ZNF682: variants seen among roughly 807,000 people sequenced by gnomAD.
The protein encoded by ZNF682 is zinc finger protein 682.
Under a neutral mutation model 36.5 loss-of-function variants are expected in ZNF682, and 29 were observed. The ratio of observed to expected loss-of-function variants is 0.80; its 90% confidence interval spans 0.59 to 1.08. The LOEUF (loss-of-function observed/expected upper bound fraction) is 1.08, where lower values mean the gene tolerates loss of function less well. Ranked by LOEUF, ZNF682 falls within the 50% of genes least tolerant of loss-of-function variation. ZNF682 has a pLI of 0.00. For missense variants in ZNF682, 561 were observed against 579.7 expected (o/e 0.97, Z 0.33); for synonymous variants, 180 against 197.0 (o/e 0.91, Z 0.72).
At chr19:20,019,734 AC>A (rs1384077800) in intron 3 of ZNF682, among the ~76,000 whole-genome samples, 1 of 152,158 alleles carries the variant, frequency 6.6e-6, no homozygotes, top group East Asian at 1.9e-4. Context: ...CCTCAACATC[AC>A]CAGTCATCAG....
downstream of ZNF682, among the ~76,000 whole-genome samples, chr19:20,002,318 CT>C (rs2088173472): frequency 6.8e-6 from 1 of 147,880 alleles, no homozygotes; most frequent in African/African-American, 2.5e-5. Flanking sequence ...TGGTCTTGAT[CT>C]CCTGACCTCA....
intron 3 of ZNF682, among the ~76,000 whole-genome samples, chr19:20,012,054 G>C (rs1318619358): frequency 6.6e-6 from 1 of 151,742 alleles, no homozygotes; most frequent in Non-Finnish European, 1.5e-5. Context: ...AAAAAAAACA[G>C]TGACAAAATG....
intron 3 of ZNF682, among the ~76,000 whole-genome samples, chr19:20,020,882 T>A (rs2088377372): frequency 1.3e-5 from 2 of 152,062 alleles, no homozygotes; most frequent in African/African-American, 4.8e-5. Context: ...AAACAGAGAG[T>A]ACAAAGCTGG....
intron 3 of ZNF682, among the ~76,000 whole-genome samples, chr19:20,010,222 T>TACC (rs907124085): frequency 6.6e-5 from 10 of 152,122 alleles, no homozygotes; most frequent in African/African-American, 2.4e-4. Flanking sequence ...TGATACCTAC[T>TACC]ACCACAAAAA....
At chr19:20,030,184 A>T (rs2088467812) in intron 1 of ZNF682, among the ~76,000 whole-genome samples, 1 of 152,230 alleles carries the variant, frequency 6.6e-6, no homozygotes, top group Non-Finnish European at 1.5e-5. Context: ...AACATACAGT[A>T]ACAAGGAATT....
In ZNF682 at chr19:20,006,326, A is replaced by G. The variant is rs1194008449; in HGVS notation, c.1176T>C (p.Thr392=). ...CTTCACATTTGTAGGGTTTCTCTCCAGTGTGAATTCTCTTGTGTTTAGTAA... is the reference window on the plus strand; with the variant it reads ...CTTCACATTTGTAGGGTTTCTCTCCGGTGTGAATTCTCTTGTGTTTAGTAA... The part of the protein sequence containing the change: ...SYLTKHKRIH[T]GEKPYKCEEC... Residue 392 remains threonine (T), a synonymous_variant, in exon 4 of 4, where the codon ACT becomes ACC. Transcript: ENST00000397165. The G allele has an allele frequency of 6.2e-7, 1 of 1,613,264 alleles. No homozygotes were observed. Among genetic ancestry groups the G allele is most frequent in the African/African-American group, 1.3e-5 (1 of 74,854 alleles).
chr19:20,012,214 GAAGAA>G lies in ZNF682; in HGVS notation c.227-4944_227-4940del, dbSNP rs757721735. On this transcript the variant is annotated intron_variant, in intron 3 of 3. Transcript: ENST00000397165. ...GAACAAAGTAAATCCAAAGCTAGAAGAAGAAAAGAAATAATTCAAATCAGAGCAGA... is the reference window on the plus strand; with the variant it reads ...GAACAAAGTAAATCCAAAGCTAGAAGAAGAAATAATTCAAATCAGAGCAGA... Among the ~76,000 whole-genome samples, 14 of 152,058 alleles carry G rather than the reference GAAGAA, an allele frequency of 9.2e-5. 1 individual carries two copies. The highest frequency in any genetic ancestry group is 2.2e-4 in the African/African-American group (9 of 41,488).
intron 1 of ZNF682, among the ~76,000 whole-genome samples, chr19:20,026,818 G>C (rs1179295631): frequency 6.6e-6 from 1 of 152,182 alleles, no homozygotes; most frequent in Non-Finnish European, 1.5e-5. Flanking sequence ...GTGAGAACTG[G>C]TCATGGTATG....
intron 3 of ZNF682, among the ~76,000 whole-genome samples, chr19:20,019,565 G>A (rs573441055): frequency 2.0e-5 from 3 of 152,148 alleles, no homozygotes; most frequent in South Asian, 4.1e-4. Flanking sequence ...CAAGCCATAC[G>A]CCTGATAAGA....
At chr19:20,029,912 G>T (rs1282731722) in intron 1 of ZNF682, among the ~76,000 whole-genome samples, 3 of 152,118 alleles carry the variant, frequency 2.0e-5, no homozygotes, top group Non-Finnish European at 4.4e-5. Context: ...AACCACTCTG[G>T]AGAGGCAGCA....
rs1440069961 is a variant in ZNF682, at chr19:20,005,269, G to GTT, written c.*734_*735dup. 1 of 152,048 alleles carries GTT rather than the reference G, an allele frequency of 6.6e-6. No individual in the cohort carries two copies. The highest frequency in any genetic ancestry group is 2.4e-5 in the African/African-American group (1 of 41,376). The allele number at this position is 152,048 out of a possible 1,614,324, so 9.4% of individuals were successfully genotyped here. ...TTTTTGTATTTTTAGTAGAGACAGGGTTTCATCGTGGTCTCGATCTCCTGA... is the reference window on the plus strand; with the variant it reads ...TTTTTGTATTTTTAGTAGAGACAGGGTTTTTCATCGTGGTCTCGATCTCCTGA... On this transcript the variant is annotated 3_prime_UTR_variant, in exon 4 of 4. Coordinates refer to ENST00000397165, the MANE Select transcript of ZNF682 (RefSeq NM_033196.3).
intron 1 of ZNF682, among the ~76,000 whole-genome samples, chr19:20,030,087 G>A (rs1044588200): frequency 6.6e-6 from 1 of 152,128 alleles, no homozygotes; most frequent in Non-Finnish European, 1.5e-5. Context: ...TTCCAATTCT[G>A]TGTTTTCTAA....
chr19:20,035,152 T>A (rs1477142927), intron 1 of ZNF682, among the ~76,000 whole-genome samples: 3 of 152,208 alleles, frequency 2.0e-5, no homozygotes, highest in African/African-American at 7.2e-5. Context: ...ATCATACCTG[T>A]TGGATTAATT....
downstream of ZNF682, among the ~76,000 whole-genome samples, chr19:19,996,097 A>G (rs1205334425): frequency 2.0e-5 from 3 of 152,212 alleles, no homozygotes; most frequent in Non-Finnish European, 4.4e-5. Flanking sequence ...TCAGGAAAAG[A>G]GACCTTGCTG....
At chr19:20,036,367 G>C (rs1015691601) in intron 1 of ZNF682, among the ~76,000 whole-genome samples, 8 of 135,088 alleles carry the variant, frequency 5.9e-5, no homozygotes, top group African/African-American at 2.2e-4. Flanking sequence ...GCCCAGGCTG[G>C]AGTGAAGTGG....
intron 1 of ZNF682, chr19:20,039,115 G>A: frequency 2.2e-6 from 3 of 1,388,704 alleles, no homozygotes; most frequent in Non-Finnish European, 2.8e-6. Flanking sequence ...GTGGGCTCCG[G>A]GCGGGAAGCG....
chr19:20,014,953 G>A (rs948170974), intron 3 of ZNF682, among the ~76,000 whole-genome samples: 13 of 152,228 alleles, frequency 8.5e-5, no homozygotes, highest in Admixed American at 2.0e-4. Context: ...TTTGTAAAGG[G>A]TCAGTCAAGG....
At chr19:20,009,790 G>T (rs1400898158) in intron 3 of ZNF682, among the ~76,000 whole-genome samples, 1 of 152,154 alleles carries the variant, frequency 6.6e-6, no homozygotes, top group Non-Finnish European at 1.5e-5. Context: ...GGAGGCCAAG[G>T]TGGGCAGATC....
downstream of ZNF682, among the ~76,000 whole-genome samples, chr19:19,995,458 TG>T (rs2088124178): frequency 1.3e-5 from 2 of 152,180 alleles, no homozygotes; most frequent in African/African-American, 4.8e-5. Flanking sequence ...CTTTTACGAA[TG>T]GGCTCAAGGA....
Sources: allele counts gnomAD v4.1 joint callset (sites outside exome capture counted in the v4.1 genomes callset), GRCh38; gene constraint gnomAD v4.1.1; transcripts MANE v1.5; gene names NCBI Gene and HGNC (gene_info 2026-07-23, HGNC 2026-07-21).